Variants in C1orf21 observed in about 807,000 individuals in gnomAD.
The protein encoded by C1orf21 is chromosome 1 open reading frame 21.
A neutral mutation model predicts 18.7 loss-of-function variants in C1orf21; 3 were observed. That is an observed-to-expected ratio of 0.16 (90% confidence interval 0.07 to 0.42). C1orf21 has a LOEUF of 0.42. Among genes scored for constraint, C1orf21 ranks in the 10% least tolerant of loss-of-function variants. The probability of loss-of-function intolerance (pLI) is 0.99; values close to 1 mark genes in which losing one functional copy is unlikely to be tolerated. For missense variants in C1orf21, 104 were observed against 143.6 expected, an observed-to-expected ratio of 0.72 and a Z score of 1.41; for synonymous variants, 41 against 46.4, an observed-to-expected ratio of 0.88 and a Z score of 0.47.
intron 1 of C1orf21, among the ~76,000 whole-genome samples, chr1:184,403,568 A>G (rs1656198110): frequency 6.6e-6 from 1 of 152,174 alleles, no homozygotes; most frequent in Non-Finnish European, 1.5e-5. Context: ...ATAATTGTTC[A>G]TTTGCTTTTA....
intron 1 of C1orf21, among the ~76,000 whole-genome samples, chr1:184,399,705 G>A (rs572754787): frequency 2.0e-5 from 3 of 152,092 alleles, no homozygotes; most frequent in Non-Finnish European, 4.4e-5. Context: ...ATGCCTTCTC[G>A]TTTCTTCTTT....
chr1:184,559,250 A>G (rs1220420285), intron 3 of C1orf21, among the ~76,000 whole-genome samples: 1 of 151,928 alleles, frequency 6.6e-6, no homozygotes, highest in Non-Finnish European at 1.5e-5. Flanking sequence ...TGGTCACTTA[A>G]AAGTGTGTGG....
At chr1:184,486,259 A>C (rs1657731640) in intron 2 of C1orf21, among the ~76,000 whole-genome samples, 1 of 152,222 alleles carries the variant, frequency 6.6e-6, no homozygotes. Context: ...AGGGAAAATG[A>C]AACATGCGTG....
rs1340209011 is a variant in C1orf21, at chr1:184,620,158, A to T, written c.*602A>T. The T allele has an allele frequency of 6.6e-6, 1 of 152,642 alleles. No homozygotes were observed. Among genetic ancestry groups the T allele is most frequent in the Non-Finnish European group, 1.5e-5 (1 of 68,056 alleles). 9.5% of individuals were successfully genotyped at this position (152,642 alleles called of 1,614,324 possible). A position where few individuals can be genotyped will look rare whatever the true frequency, so the allele number is the denominator to read the frequency against. On this transcript the variant is annotated 3_prime_UTR_variant, in exon 6 of 6. Coordinates refer to ENST00000235307, the MANE Select transcript of C1orf21 (RefSeq NM_030806.4). ...TGCTGTGATGTGACTCCTGGAAGTGACGTAGGAGTGAGTGGCAGGTTGTTT... is the reference window on the plus strand; with the variant it reads ...TGCTGTGATGTGACTCCTGGAAGTGTCGTAGGAGTGAGTGGCAGGTTGTTT...
intron 3 of C1orf21, among the ~76,000 whole-genome samples, chr1:184,510,087 G>A (rs1463550129): frequency 1.3e-5 from 2 of 152,178 alleles, no homozygotes; most frequent in Admixed American, 6.5e-5. Context: ...CAAAAGGAAA[G>A]AATAAAGAGT....
intron 1 of C1orf21, among the ~76,000 whole-genome samples, chr1:184,440,132 CA>C (rs1656921849): frequency 6.6e-6 from 1 of 152,182 alleles, no homozygotes; most frequent in Non-Finnish European, 1.5e-5. Context: ...GATTTCTCCA[CA>C]GTAGATATTG....
chr1:184,502,390 A>T (rs1216630045), intron 2 of C1orf21, among the ~76,000 whole-genome samples: 1 of 152,214 alleles, frequency 6.6e-6, no homozygotes, highest in East Asian at 1.9e-4. Flanking sequence ...CCCACCTCTC[A>T]ATACCACCGT....
At chr1:184,437,332 T>G (rs1656874581) in intron 1 of C1orf21, among the ~76,000 whole-genome samples, 1 of 152,166 alleles carries the variant, frequency 6.6e-6, no homozygotes, top group Admixed American at 6.5e-5. Context: ...ATCAAGCCTG[T>G]TATTTCAGCA....
chr1:184,479,422 T>C (rs1657619094), intron 2 of C1orf21, among the ~76,000 whole-genome samples: 1 of 152,182 alleles, frequency 6.6e-6, no homozygotes, highest in South Asian at 2.1e-4. Flanking sequence ...TTCATTTTTA[T>C]GTTGAATTTT....
chr1:184,564,356 T>C (rs1484234076), intron 3 of C1orf21, among the ~76,000 whole-genome samples: 3 of 152,210 alleles, frequency 2.0e-5, no homozygotes, highest in Non-Finnish European at 4.4e-5. Flanking sequence ...ATGCCCAGGC[T>C]GGAGAGCAAT....
intron 1 of C1orf21, among the ~76,000 whole-genome samples, chr1:184,431,815 A>T (rs145147239): frequency 1.2e-4 from 19 of 152,294 alleles, no homozygotes; most frequent in African/African-American, 4.1e-4. Flanking sequence ...CAGGAACTCA[A>T]ACAAATTTAC....
intron 2 of C1orf21, among the ~76,000 whole-genome samples, chr1:184,479,136 T>A (rs1476850692): frequency 1.3e-5 from 2 of 152,206 alleles, no homozygotes; most frequent in Non-Finnish European, 2.9e-5. Flanking sequence ...TACTGGTAAC[T>A]ACCTATAGCA....
intron 3 of C1orf21, among the ~76,000 whole-genome samples, chr1:184,571,804 C>G (rs1659117484): frequency 6.6e-6 from 1 of 152,122 alleles, no homozygotes; most frequent in Admixed American, 6.5e-5. Context: ...ATAGATTTGG[C>G]CTTTTTAAGA....
chr1:184,405,619 G>A (rs1022715212), intron 1 of C1orf21, among the ~76,000 whole-genome samples: 1 of 152,136 alleles, frequency 6.6e-6, no homozygotes, highest in Admixed American at 6.5e-5. Context: ...GACAGGGTGG[G>A]AGGGAGCATT....
Position 184,503,638 on chromosome 1 carries a change from G to A in C1orf21, c.95-3950G>A, listed in dbSNP as rs1454904654. ...AGTTAGCTATGCTGAAGTGATTGAC[G>A]CCTTCACTCTTCTCTGCTCTTTAAT... On this transcript the variant is annotated intron_variant, in intron 2 of 5. Transcript: ENST00000235307. Among the ~76,000 whole-genome samples, 9 of 152,162 alleles carry A rather than the reference G, an allele frequency of 5.9e-5. No homozygotes were observed. In the South Asian group the frequency reaches 8.3e-4, roughly 14 times the overall value.
rs1655901109 is a variant in C1orf21, at chr1:184,387,268, G to C, written c.-225G>C. ...GGGAGCCCCGGACACACTGTGGGGA[G>C]GAGGAGGAAGAAGAGGAGGAGGGAG... On this transcript the variant is annotated 5_prime_UTR_variant, in exon 1 of 6. Transcript: ENST00000235307. This position sits in a 1 kb window ranked among gnomAD's most constrained non-coding sequence, Gnocchi z 5.6. The C allele has an allele frequency of 3.3e-5, 5 of 151,868 alleles. No individual in the cohort carries two copies. The highest frequency in any genetic ancestry group is 3.3e-4 in the Admixed American group (5 of 15,258). The allele number at this position is 151,868 out of a possible 1,614,324, so 9.4% of individuals were successfully genotyped here. A position where few individuals can be genotyped will look rare whatever the true frequency, so the allele number is the denominator to read the frequency against.
chr1:184,610,996 G>C (rs1178180882), intron 5 of C1orf21, among the ~76,000 whole-genome samples: 1 of 152,180 alleles, frequency 6.6e-6, no homozygotes, highest in African/African-American at 2.4e-5. Context: ...TCCGGGGATT[G>C]TTGTCACTGC....
rs750317848 is a variant in C1orf21, at chr1:184,598,458, A to G, written c.324A>G (p.Glu108=). The change falls in exon 5 of 6, where the codon GAA becomes GAG. Residue 108 remains glutamate, a synonymous_variant. Coordinates refer to ENST00000235307, the MANE Select transcript of C1orf21 (RefSeq NM_030806.4). The part of the protein sequence containing the change: ...EFFRMLDEKI[E]KGRDYCSEEE... ...TCAGAATGCTGGATGAAAAAATTGA[A>G]AAGGTAAGAAGTGAAATAAATAACC... 3 of 1,613,038 alleles carry G rather than the reference A, an allele frequency of 1.9e-6. No individual in the cohort carries two copies. Among genetic ancestry groups the G allele is most frequent in the Non-Finnish European group, 2.5e-6 (3 of 1,179,314 alleles).
At chr1:184,479,613 C>CTTTTTTTTTTTT (rs55840285) in intron 2 of C1orf21, among the ~76,000 whole-genome samples, 1 of 62,214 alleles carries the variant, frequency 1.6e-5, no homozygotes, top group Non-Finnish European at 2.9e-5. Context: ...TCCCATAGGT[C>CTTTTTTTTTTTT]TTTTTTTTTT....
Sources: gnomAD v4.1 joint callset for allele counts (sites outside exome capture counted in the v4.1 genomes callset) on GRCh38, gnomAD v4.1.1 for gene constraint, Gnocchi (gnomAD v3.1) non-coding constraint, MANE v1.5 for transcripts, NCBI Gene and HGNC (gene_info 2026-07-23, HGNC 2026-07-21) for gene names.